The following PRKG1 variants were observed in gnomAD, a reference collection of about 807,000 sequenced individuals.
PRKG1 encodes protein kinase cGMP-dependent 1.
Under a neutral mutation model 88.1 loss-of-function variants are expected in PRKG1, and 35 were observed. The ratio of observed to expected loss-of-function variants is 0.40; its 90% CI spans 0.30 to 0.53. PRKG1 has a LOEUF of 0.53. Among genes scored for constraint, PRKG1 ranks in the 20% least tolerant of loss-of-function variants. PRKG1 has a pLI of 0.59. For synonymous variants in PRKG1, 303 were observed against 292.5 expected, an observed-to-expected ratio of 1.04 and a Z score of -0.37; for missense variants, 540 against 839.8, an observed-to-expected ratio of 0.64 and a Z score of 4.41.
At position 50,995,983 on chromosome 10, in the gene PRKG1, C is replaced by T. The variant is rs140457995; in HGVS notation, c.266+4339C>T. On this transcript the variant is annotated intron_variant, in intron 1 of 17. Transcript: ENST00000401604. ...ATTCACATTTGATTTGACCTTAGGA[C>T]GAAATCAAGGAGTTTGGCCTACTTC... is the stretch of plus-strand genomic sequence containing the variant. Among the ~76,000 whole-genome samples the T allele has an allele frequency of 2.6e-3, 403 of 152,204 alleles. 1 individual carries two copies. Among genetic ancestry groups the T allele is most frequent in the African/African-American group, 7.7e-3 (321 of 41,522 alleles).
chr10:51,328,670 T>C (rs941521456), intron 2 of PRKG1, among the ~76,000 whole-genome samples: 2 of 152,210 alleles, frequency 1.3e-5, no homozygotes, highest in Non-Finnish European at 2.9e-5. Context: ...TCGGTGATAC[T>C]TGTTATCTTT....
intron 9 of PRKG1, among the ~76,000 whole-genome samples, chr10:52,178,339 A>G (rs1166314727): frequency 1.3e-5 from 2 of 152,066 alleles, no homozygotes; most frequent in African/African-American, 4.8e-5. Context: ...TAATTGATTT[A>G]TAATTTTACT....
At chr10:51,746,874 G>A (rs1232562465) in intron 3 of PRKG1, among the ~76,000 whole-genome samples, 1 of 152,114 alleles carries the variant, frequency 6.6e-6, no homozygotes, top group Non-Finnish European at 1.5e-5. Flanking sequence ...TCCATGTACG[G>A]CAACAAAATA....
intron 8 of PRKG1, among the ~76,000 whole-genome samples, chr10:52,150,272 C>A (rs1171847592): frequency 2.0e-5 from 3 of 151,606 alleles, no homozygotes; most frequent in African/African-American, 7.3e-5. Flanking sequence ...ACTAGATCAC[C>A]TCAGATTTCC....
chr10:51,856,726 G>A (rs932786586), intron 4 of PRKG1, among the ~76,000 whole-genome samples: 5 of 151,976 alleles, frequency 3.3e-5, no homozygotes, highest in African/African-American at 4.8e-5. Context: ...AGCACTTTGG[G>A]AGGCTGAGTC....
chr10:51,177,856 CTGAT>C (rs1191567086), intron 2 of PRKG1, among the ~76,000 whole-genome samples: 2 of 151,738 alleles, frequency 1.3e-5, no homozygotes, highest in African/African-American at 4.8e-5. Flanking sequence ...GAAATTCTGA[CTGAT>C]ATTAATTCCT....
At chr10:51,221,876 CTTT>C (rs11405552) in intron 2 of PRKG1, among the ~76,000 whole-genome samples, 2 of 127,170 alleles carry the variant, frequency 1.6e-5, no homozygotes, top group Non-Finnish European at 3.2e-5. Flanking sequence ...TCTTTTCTTT[CTTT>C]TTTTTTTTTT....
intron 4 of PRKG1, among the ~76,000 whole-genome samples, chr10:51,813,397 A>G (rs2132627491): frequency 6.6e-6 from 1 of 152,358 alleles, no homozygotes; most frequent in East Asian, 1.9e-4. Flanking sequence ...GCAATAAAAA[A>G]TGTAGTAAAC....
intron 3 of PRKG1, among the ~76,000 whole-genome samples, chr10:51,789,055 T>A (rs979290115): frequency 1.3e-5 from 2 of 152,198 alleles, no homozygotes; most frequent in Non-Finnish European, 2.9e-5. Flanking sequence ...AAGGAATGGT[T>A]ATTAGCATGA....
chr10:52,284,340 C>G (rs535393346), intron 14 of PRKG1, among the ~76,000 whole-genome samples: 1 of 151,690 alleles, frequency 6.6e-6, no homozygotes, highest in Non-Finnish European at 1.5e-5. Context: ...ATATATATAT[C>G]GAAACATTAT....
At chr10:51,960,822 C>T (rs1411042128) in intron 5 of PRKG1, among the ~76,000 whole-genome samples, 3 of 152,104 alleles carry the variant, frequency 2.0e-5, no homozygotes, top group Non-Finnish European at 4.4e-5. Flanking sequence ...TTCCCCAGTT[C>T]GTGGTTCTGC....
chr10:51,284,948 G>A (rs1285091536), intron 2 of PRKG1, among the ~76,000 whole-genome samples: 1 of 140,526 alleles, frequency 7.1e-6, no homozygotes, highest in Non-Finnish European at 1.5e-5. Context: ...ACATTGTGCA[G>A]GTTAGTTACA....
intron 3 of PRKG1, among the ~76,000 whole-genome samples, chr10:51,684,473 G>C (rs536787013): frequency 4.8e-4 from 73 of 152,018 alleles, no homozygotes; most frequent in Non-Finnish European, 1.3e-4. Flanking sequence ...ATCTTATGGT[G>C]TGTAATTTAT....
At position 51,469,678 on chromosome 10, in the gene PRKG1, G is replaced by T. The variant is rs185316436; in HGVS notation, c.592+1842G>T. 4.7e-4 allele frequency among the ~76,000 whole-genome samples: 72 copies of T among 151,938 alleles called. 1 individual carries two copies. Among genetic ancestry groups the T allele is most frequent in the African/African-American group, 1.6e-3 (68 of 41,530 alleles). On this transcript the variant is annotated intron_variant, in intron 3 of 17. Transcript: ENST00000373980. ...AAATTATAAGCCTAACTCTTTTGGG[G>T]TCAGAACATCCATCTTCAAAGAAAA...
chr10:51,384,620 T>G (rs1837200341), intron 2 of PRKG1, among the ~76,000 whole-genome samples: 1 of 152,206 alleles, frequency 6.6e-6, no homozygotes, highest in Non-Finnish European at 1.5e-5. Context: ...GTCACCCAGC[T>G]ATTTTTATCG....
intron 4 of PRKG1, 141 bp from the exon 5 acceptor site, chr10:51,907,366 T>A (rs1263056336): frequency 4.7e-6 from 3 of 639,416 alleles, no homozygotes; most frequent in Non-Finnish European, 5.2e-6. Flanking sequence ...TCAGGTTGTG[T>A]GGCTAATGCA....
intron 9 of PRKG1, among the ~76,000 whole-genome samples, chr10:52,238,495 C>G (rs1283736310): frequency 1.3e-5 from 2 of 151,994 alleles, no homozygotes; most frequent in Non-Finnish European, 2.9e-5. Flanking sequence ...ACAACCCCAT[C>G]AAAAAGTGGG....
intron 1 of PRKG1, among the ~76,000 whole-genome samples, chr10:51,043,516 G>A (rs73322648): frequency 1.3e-5 from 2 of 152,034 alleles, no homozygotes; most frequent in African/African-American, 4.8e-5. Context: ...ATTTAATCCT[G>A]TAGTAGCAAT....
intron 2 of PRKG1, among the ~76,000 whole-genome samples, chr10:51,250,969 C>T (rs894053238): frequency 6.6e-6 from 1 of 151,588 alleles, no homozygotes; most frequent in Non-Finnish European, 1.5e-5. Flanking sequence ...GATGTTTTCC[C>T]CTCCTTTTTA....
Sources: allele counts gnomAD v4.1 joint callset (sites outside exome capture counted in the v4.1 genomes callset), GRCh38; gene constraint gnomAD v4.1.1; transcripts MANE v1.5; gene names NCBI Gene and HGNC (gene_info 2026-07-23, HGNC 2026-07-21).